POU2F1: variants seen among roughly 807,000 people sequenced by gnomAD.
The protein encoded by POU2F1 is POU domain, class 2, transcription factor 1.
A neutral mutation model predicts 84.9 loss-of-function variants in POU2F1; 16 were observed. The ratio of observed to expected loss-of-function variants is 0.19; its 90% CI spans 0.13 to 0.29. POU2F1 has a LOEUF of 0.29. POU2F1 is among the 10% of genes least tolerant of loss of function. POU2F1 has a pLI of 1.00. For missense variants in POU2F1, 738 were observed against 942.6 expected, an observed-to-expected ratio of 0.78 and a Z score of 2.84; for synonymous variants, 368 against 368.3, an observed-to-expected ratio of 1.00 and a Z score of 0.01.
intron 1 of POU2F1, among the ~76,000 whole-genome samples, chr1:167,244,258 G>T (rs1650140396): frequency 6.6e-6 from 1 of 152,114 alleles, no homozygotes; most frequent in Non-Finnish European, 1.5e-5. Flanking sequence ...TCCTCACAAG[G>T]TTGCAATTAA....
intron 13 of POU2F1, among the ~76,000 whole-genome samples, chr1:167,405,868 A>T (rs962615491): frequency 1.3e-5 from 2 of 152,244 alleles, no homozygotes; most frequent in African/African-American, 4.8e-5. Context: ...TCAGTAAATT[A>T]AAAAGGATTA....
chr1:167,276,637 G>T (rs969404502), intron 1 of POU2F1, among the ~76,000 whole-genome samples: 1 of 152,100 alleles, frequency 6.6e-6, no homozygotes, highest in Non-Finnish European at 1.5e-5. Context: ...AAGTTATTCT[G>T]AAGCTTTCAT....
intron 1 of POU2F1, among the ~76,000 whole-genome samples, chr1:167,222,440 T>C (rs992088323): frequency 6.6e-6 from 1 of 152,206 alleles, no homozygotes; most frequent in Non-Finnish European, 1.5e-5. Flanking sequence ...ACGCCGTGTT[T>C]ATATTTTACA....
intron 1 of POU2F1, among the ~76,000 whole-genome samples, chr1:167,275,723 AC>A (rs773399278): frequency 6.6e-6 from 1 of 152,110 alleles, no homozygotes; most frequent in Non-Finnish European, 1.5e-5. Flanking sequence ...AAATTCTACC[AC>A]CCCCTGCCCA....
intron 1 of POU2F1, among the ~76,000 whole-genome samples, chr1:167,248,082 T>A (rs1650466944): frequency 6.6e-6 from 1 of 152,218 alleles, no homozygotes; most frequent in Non-Finnish European, 1.5e-5. Context: ...GTTATCAGAT[T>A]TATTTTGGAA....
intron 1 of POU2F1, among the ~76,000 whole-genome samples, chr1:167,246,711 C>T (rs1398158692): frequency 6.6e-6 from 1 of 152,130 alleles, no homozygotes; most frequent in African/African-American, 2.4e-5. Context: ...TGACTTAAAA[C>T]ATATACCTTA....
chr1:167,265,809 A>G (rs191932656), intron 1 of POU2F1, among the ~76,000 whole-genome samples: 77 of 152,276 alleles, frequency 5.1e-4, no homozygotes, highest in South Asian at 5.0e-3. Context: ...ACATCCTGCA[A>G]TGCACAAAGT....
intron 2 of POU2F1, among the ~76,000 whole-genome samples, chr1:167,350,796 C>T (rs1399374906): frequency 2.0e-5 from 3 of 151,898 alleles, no homozygotes; most frequent in Admixed American, 6.6e-5. Flanking sequence ...GTCGGGAGTT[C>T]GAGACCAGCC....
rs773185149 is a variant in POU2F1 at position 167,374,066 on chromosome 1, C to T, written c.403-42C>T. 6 of 1,602,854 alleles carry T rather than the reference C, an allele frequency of 3.7e-6. No homozygotes were observed. The South Asian group carries it at 6.6e-5, about 18-fold the overall frequency. Reference sequence around the variant, plus strand: ...CAGTTGGCTTGCATTAGGAGACTTTCTCCTTCAACACTTTCCCATAATGTG... The same window carrying T: ...CAGTTGGCTTGCATTAGGAGACTTTTTCCTTCAACACTTTCCCATAATGTG... On this transcript the variant is annotated intron_variant, in intron 5 of 15. Coordinates refer to ENST00000367866, the MANE Select transcript of POU2F1 (RefSeq NM_002697.4).
At chr1:167,277,394 A>G (rs766423536) in intron 1 of POU2F1, among the ~76,000 whole-genome samples, 2 of 152,010 alleles carry the variant, frequency 1.3e-5, no homozygotes, top group South Asian at 4.2e-4. Flanking sequence ...CAGTTTAGGA[A>G]CTAAAGATCA....
chr1:167,250,703 A>G (rs748677437), intron 1 of POU2F1, among the ~76,000 whole-genome samples: 1 of 152,216 alleles, frequency 6.6e-6, no homozygotes, highest in Non-Finnish European at 1.5e-5. Flanking sequence ...AACTGACTCT[A>G]AAAGTGGTTT....
At chr1:167,233,465 AC>A (rs1000858706) in intron 1 of POU2F1, among the ~76,000 whole-genome samples, 8 of 152,102 alleles carry the variant, frequency 5.3e-5, no homozygotes, top group Non-Finnish European at 8.8e-5. Context: ...ACAAATACTT[AC>A]CATTGTGTTA....
intron 2 of POU2F1, among the ~76,000 whole-genome samples, chr1:167,340,649 C>G (rs1657786750): frequency 6.6e-6 from 1 of 151,838 alleles, no homozygotes; most frequent in Non-Finnish European, 1.5e-5. Context: ...CCATGCTGAT[C>G]TTGAACTCCT....
intron 1 of POU2F1, among the ~76,000 whole-genome samples, chr1:167,253,387 C>CCCCA (rs1553198381): frequency 7.2e-5 from 9 of 124,280 alleles, no homozygotes; most frequent in African/African-American, 2.4e-4. Context: ...CCCCCCCCCC[C>CCCCA]CCAAACACAC....
At chr1:167,325,754 TG>T (rs533479634) in intron 1 of POU2F1, among the ~76,000 whole-genome samples, 46 of 152,082 alleles carry the variant, frequency 3.0e-4, no homozygotes, top group Middle Eastern at 6.8e-3. Flanking sequence ...CCTGACTTGG[TG>T]GCAGGCGCCT....
chr1:167,391,161 A>T lies in POU2F1; in HGVS notation c.987+1400A>T, dbSNP rs147375962. On this transcript the variant is annotated intron_variant, in intron 9 of 15. Transcript: ENST00000367866. ...CGCTATGTTGGCCAGGTTGGTCTTG[A>T]ACTCTTGGCCTCAATCAACCCTCCC... Among the ~76,000 whole-genome samples the T allele has an allele frequency of 4.8e-3, 732 of 152,222 alleles. 6 individuals are homozygous for T. The highest frequency in any genetic ancestry group is 0.017 in the African/African-American group (691 of 41,524).
chr1:167,403,098 TACTC>T (rs1407153259), intron 13 of POU2F1, among the ~76,000 whole-genome samples: 3 of 152,354 alleles, frequency 2.0e-5, no homozygotes, highest in South Asian at 2.1e-4. Flanking sequence ...CTTGAACTCT[TACTC>T]AGCCTATTTA....
Position 167,414,707 on chromosome 1 carries a change from G to T in POU2F1, c.1991-793G>T, listed in dbSNP as rs1650189177. ...TTAGATCACCCACCTACATCATTAT[G>T]TCTAATTTCCTGCTACAATAGATTC... On this transcript the variant is annotated intron_variant, in intron 15 of 15. Transcript: ENST00000367866. The T allele has an allele frequency of 3.0e-6, 3 of 985,154 alleles. 1 individual carries two copies. Among genetic ancestry groups the T allele is most frequent in the African/African-American group, 3.5e-5 (2 of 57,334 alleles). The allele number at this position is 985,154 out of a possible 1,614,324, so 61.0% of individuals were successfully genotyped here. A position where few individuals can be genotyped will look rare whatever the true frequency, so the allele number is the denominator to read the frequency against.
At chr1:167,291,092 T>C (rs1251025147) in intron 1 of POU2F1, among the ~76,000 whole-genome samples, 7 of 149,598 alleles carry the variant, frequency 4.7e-5, no homozygotes, top group African/African-American at 1.5e-4. Flanking sequence ...TTGGAAAATA[T>C]GCATTTCTGA....
Sources: allele counts gnomAD v4.1 joint callset (sites outside exome capture counted in the v4.1 genomes callset), GRCh38; gene constraint gnomAD v4.1.1; transcripts MANE v1.5; gene names NCBI Gene and HGNC (gene_info 2026-07-23, HGNC 2026-07-21).